CELF1: variants seen among roughly 807,000 people sequenced by gnomAD.
The protein encoded by CELF1 is CUGBP Elav-like family member 1.
In CELF1, 10 loss-of-function variants were observed where a neutral mutation model predicts 61.8. The ratio of observed to expected loss-of-function variants is 0.16; its 90% CI spans 0.10 to 0.27. The LOEUF is 0.27. Among genes scored for constraint, CELF1 ranks in the 10% least tolerant of loss-of-function variants. CELF1 has a pLI of 1.00. For missense variants in CELF1, 380 were observed against 639.1 expected (o/e 0.59, Z 4.37); for synonymous variants, 236 against 225.1 (o/e 1.05, Z -0.43).
intron 1 of CELF1, among the ~76,000 whole-genome samples, chr11:47,533,023 T>C (rs181515024): frequency 5.2e-4 from 79 of 152,134 alleles, no homozygotes; most frequent in African/African-American, 1.8e-3. Context: ...AGCAAAGAGG[T>C]TGTTACCATG....
intron 1 of CELF1, among the ~76,000 whole-genome samples, chr11:47,539,408 T>C (rs1312487631): frequency 8.5e-5 from 13 of 152,086 alleles, no homozygotes; most frequent in Non-Finnish European, 2.9e-5. Flanking sequence ...TCCCGGCACT[T>C]TGGGAGGCCG....
At chr11:47,555,695 G>A (rs1344432000), upstream of CELF1, among the ~76,000 whole-genome samples, 1 of 152,130 alleles carries the variant, frequency 6.6e-6, no homozygotes, top group African/African-American at 2.4e-5. Context: ...AATAGATTAA[G>A]ATTTATTTTT....
At chr11:47,487,121 G>A in intron 5 of CELF1, 38 bp downstream of exon 5, 1 of 1,496,556 alleles carries the variant, frequency 6.7e-7, no homozygotes, top group Non-Finnish European at 9.2e-7. Context: ...ACATATCAAA[G>A]TTACCACATT....
At chr11:47,541,842 A>C (rs1319923901) in intron 1 of CELF1, among the ~76,000 whole-genome samples, 1 of 151,244 alleles carries the variant, frequency 6.6e-6, no homozygotes, top group Admixed American at 6.6e-5. Context: ...AAGAAAATGG[A>C]AACTACTGAC....
chr11:47,546,045 C>T (rs998942784), intron 1 of CELF1, among the ~76,000 whole-genome samples: 2 of 149,222 alleles, frequency 1.3e-5, no homozygotes, highest in East Asian at 4.0e-4. Context: ...CAAGTAGCTG[C>T]GACTACAGGT....
At chr11:47,556,280 G>A (rs1303503648), upstream of CELF1, among the ~76,000 whole-genome samples, 1 of 152,132 alleles carries the variant, frequency 6.6e-6, no homozygotes, top group Non-Finnish European at 1.5e-5. Flanking sequence ...GAACTCCTGG[G>A]TTCATGAGAT....
chr11:47,505,425 T>G (rs553062300), intron 1 of CELF1, among the ~76,000 whole-genome samples: 2 of 150,774 alleles, frequency 1.3e-5, no homozygotes, highest in South Asian at 4.2e-4. Context: ...CGAGGTCAGA[T>G]CGAGACCACC....
intron 12 of CELF1, among the ~76,000 whole-genome samples, chr11:47,476,016 T>G (rs75209247): frequency 1.5e-4 from 22 of 151,646 alleles, no homozygotes; most frequent in Non-Finnish European, 3.1e-4. Flanking sequence ...TTTTTTTTTT[T>G]GGAGACAGAG....
chr11:47,531,650 T>C (rs958026762), intron 1 of CELF1, among the ~76,000 whole-genome samples: 11 of 152,192 alleles, frequency 7.2e-5, no homozygotes, highest in Non-Finnish European at 1.3e-4. Flanking sequence ...ATACCTACTC[T>C]AGAAACAATG....
chr11:47,495,248 C>T (rs1010464928), intron 3 of CELF1, among the ~76,000 whole-genome samples: 2 of 152,246 alleles, frequency 1.3e-5, no homozygotes, highest in Middle Eastern at 3.4e-3. Flanking sequence ...ACAACAAAGA[C>T]CTTGAAAACA....
At position 47,507,668 on chromosome 11, in the gene CELF1, A is replaced by G. The variant is rs1257046349; in HGVS notation, c.-153-6736T>C. On this transcript the variant is annotated intron_variant, in intron 1 of 14. Transcript: ENST00000687097. ...TGGCTTTCACTACAGACAATAAACT[A>G]TTCAAATTCACCAAGGACAATGTCT... 3.3e-5 allele frequency among the ~76,000 whole-genome samples: 5 copies of G among 152,354 alleles called. No homozygotes were observed. In the East Asian group the frequency reaches 9.6e-4, roughly 29 times the overall value.
At chr11:47,478,317 C>A (rs1186117922) in intron 10 of CELF1, among the ~76,000 whole-genome samples, 1 of 152,180 alleles carries the variant, frequency 6.6e-6, no homozygotes, top group Non-Finnish European at 1.5e-5. Flanking sequence ...TGAAGCTGTC[C>A]CATGCCCTAC....
upstream of CELF1, among the ~76,000 whole-genome samples, chr11:47,553,797 G>GA (rs1210075332): frequency 4.3e-5 from 6 of 140,446 alleles, no homozygotes; most frequent in African/African-American, 1.3e-4. Context: ...TGCTTTTACC[G>GA]AAAAAAAAAT....
intron 14 of CELF1, 75 bp from the exon 15 acceptor site, chr11:47,472,432 ACCTTATGTGCTTCATCTCAAATCC>A (rs1272788864): frequency 6.5e-5 from 98 of 1,507,704 alleles, no homozygotes; most frequent in Non-Finnish European, 7.9e-5. Context: ...TATGCAAGAT[ACCTTATGTGCTTCATCTCAAATCC>A]CAATTTTATT....
In CELF1 at chr11:47,467,325, G is replaced by C. The variant is rs993359986; in HGVS notation, c.*4905C>G. 3 of 152,236 alleles carry C rather than the reference G, an allele frequency of 2.0e-5. No individual in the cohort carries two copies. Among genetic ancestry groups the C allele is most frequent in the African/African-American group, 7.2e-5 (3 of 41,408 alleles). The allele number at this position is 152,236 out of a possible 1,614,324, so 9.4% of individuals were successfully genotyped here. A position where few individuals can be genotyped will look rare whatever the true frequency, so the allele number is the denominator to read the frequency against. On this transcript the variant is annotated 3_prime_UTR_variant, in exon 15 of 15. Coordinates refer to ENST00000687097, the MANE Select transcript of CELF1 (RefSeq NM_001376376.1). ...GAGGCTGGATGGTGCCACAAGAGAGGAGGGTCAGTTTCCCTCAGGGAACCA... is the reference window on the plus strand; with the variant it reads ...GAGGCTGGATGGTGCCACAAGAGAGCAGGGTCAGTTTCCCTCAGGGAACCA...
At chr11:47,559,136 C>T (rs957708255) in intron 2 of CELF1, among the ~76,000 whole-genome samples, 1 of 148,016 alleles carries the variant, frequency 6.8e-6, no homozygotes, top group Non-Finnish European at 1.5e-5. Context: ...TGCTCTGTCT[C>T]CCAGGCTGGA....
In CELF1 at chr11:47,471,518, T is replaced by A. The variant is rs1189486154; in HGVS notation, c.*712A>T. On this transcript the variant is annotated 3_prime_UTR_variant, in exon 15 of 15. Transcript: ENST00000687097. The stretch of plus-strand genomic sequence containing the variant: ...GAGCTCGTAATGGGTGATGCCGCCC[T>A]GCTTTTTGCATATGTCAGGCTAACA... 6.6e-6 allele frequency: 1 copy of A among 152,246 alleles called. No individual in the cohort carries two copies. The highest frequency in any genetic ancestry group is 2.4e-5 in the African/African-American group (1 of 41,452). The allele number at this position is 152,246 out of a possible 1,614,324, so 9.4% of individuals were successfully genotyped here.
chr11:47,538,485 T>C (rs1161147582), intron 1 of CELF1, among the ~76,000 whole-genome samples: 3 of 151,824 alleles, frequency 2.0e-5, no homozygotes, highest in Non-Finnish European at 4.4e-5. Flanking sequence ...CTACTAAAAA[T>C]ACAAAAAATT....
intron 1 of CELF1, among the ~76,000 whole-genome samples, chr11:47,535,372 T>C (rs904540990): frequency 7.9e-5 from 12 of 152,094 alleles, no homozygotes; most frequent in Admixed American, 2.0e-4. Context: ...GTTATTAAGA[T>C]ACTCCACAAA....
Sources: allele counts gnomAD v4.1 joint callset (sites outside exome capture counted in the v4.1 genomes callset), GRCh38; gene constraint gnomAD v4.1.1; transcripts MANE v1.5; gene names NCBI Gene and HGNC (gene_info 2026-07-23, HGNC 2026-07-21).